The following BACC1 variants were observed in gnomAD, a reference collection of about 807,000 sequenced individuals.
BACC1 encodes BPTF associated chromatin complex component 1, also known as BPTF-associated chromatin complex component 1.
At chr17:7,016,539 C>G in the BACC1 span, 1 of 1,614,140 alleles carries the variant, frequency 6.2e-7, no homozygotes, top group Admixed American at 1.7e-5. Flanking sequence ...TATGAAGATT[C>G]TGGCATCCCC....
At chr17:7,016,441 T>C in the BACC1 span, 1 of 1,575,998 alleles carries the variant, frequency 6.3e-7, no homozygotes, top group Admixed American at 1.9e-5. Flanking sequence ...CCGTCCCCTC[T>C]TCTGTTAGTC....
chr17:7,017,322 G>T, the BACC1 span: 4 of 1,609,938 alleles, frequency 2.5e-6, no homozygotes, highest in South Asian at 4.4e-5. Flanking sequence ...CTCCTGCTGA[G>T]CCTTCCACCT....
chr17:7,015,186 C>G, the BACC1 span: 2 of 1,544,408 alleles, frequency 1.3e-6, no homozygotes, highest in Admixed American at 2.1e-5. Flanking sequence ...GACGTGGACG[C>G]TGAGAGCGGG....
chr17:7,015,870 G>C, the BACC1 span: 2 of 1,613,998 alleles, frequency 1.2e-6, no homozygotes, highest in Non-Finnish European at 1.7e-6. Flanking sequence ...TCAAGGAACG[G>C]ACAGTGTGAG....
chr17:7,016,812 A>AGAGGG, the BACC1 span: 1 of 1,525,260 alleles, frequency 6.6e-7, no homozygotes, highest in Non-Finnish European at 9.0e-7. Context: ...AGAGAGGGGC[A>AGAGGG]GAGGGGAGGG....
At chr17:7,015,583 G>A in the BACC1 span, 1 of 1,411,430 alleles carries the variant, frequency 7.1e-7, no homozygotes, top group Admixed American at 2.9e-5. Flanking sequence ...TCTTGTGATT[G>A]GGGTCCTCCC....
chr17:7,017,468 A>C, the BACC1 span: 9 of 759,746 alleles, frequency 1.2e-5, no homozygotes, highest in Non-Finnish European at 1.9e-5. Context: ...AACCCCTTTG[A>C]CCTTCATCTG....
the BACC1 span, chr17:7,016,658 G>T: frequency 6.2e-7 from 1 of 1,612,574 alleles, no homozygotes; most frequent in Non-Finnish European, 8.5e-7. Context: ...TGAGGCCGGG[G>T]GTCCCCCCAT....
chr17:7,015,107 G>T, the BACC1 span: 1 of 1,580,164 alleles, frequency 6.3e-7, no homozygotes, highest in Non-Finnish European at 8.5e-7. Flanking sequence ...CACGAAGCTC[G>T]GGGAGCTGAC....
At chr17:7,015,024 G>A in the BACC1 span, 7 of 1,443,152 alleles carry the variant, frequency 4.9e-6, no homozygotes, top group East Asian at 2.9e-5. Flanking sequence ...GACGGGGAGG[G>A]CGGGCGCCGG....
At chr17:7,015,104 C>A in the BACC1 span, 3 of 1,579,892 alleles carry the variant, frequency 1.9e-6, no homozygotes, top group Non-Finnish European at 2.6e-6. Flanking sequence ...CTTCACGAAG[C>A]TCGGGGAGCT....
chr17:7,017,076 G>T, the BACC1 span: 1 of 1,548,964 alleles, frequency 6.5e-7, no homozygotes, highest in South Asian at 1.1e-5. Flanking sequence ...CACCTGGATG[G>T]CAGGGCACGG....
the BACC1 span, chr17:7,015,341 C>T: frequency 7.3e-7 from 1 of 1,373,730 alleles, no homozygotes. Context: ...ACAGACAGGC[C>T]CATAGCCCAG....
At chr17:7,016,632 G>T in the BACC1 span, 1 of 1,614,072 alleles carries the variant, frequency 6.2e-7, no homozygotes, top group Middle Eastern at 1.7e-4. Flanking sequence ...CCTCCTCCCA[G>T]CAGCTCCAGT....
chr17:7,016,178 C>T, the BACC1 span: 1 of 517,970 alleles, frequency 1.9e-6, no homozygotes, highest in Non-Finnish European at 3.4e-6. Context: ...GCAGTGTTTC[C>T]AGGGATATGG....
the BACC1 span, chr17:7,017,422 T>G: frequency 8.8e-7 from 1 of 1,131,154 alleles, no homozygotes; most frequent in South Asian, 1.2e-5. Flanking sequence ...CTGCTGGGGC[T>G]GCCACCTCGC....
At chr17:7,017,456 C>A in the BACC1 span, 1 of 818,342 alleles carries the variant, frequency 1.2e-6, no homozygotes. Flanking sequence ...GCATCTGCCC[C>A]CAACCCCTTT....
chr17:7,016,853 G>C, the BACC1 span: 1 of 1,561,572 alleles, frequency 6.4e-7, no homozygotes, highest in South Asian at 1.1e-5. Context: ...GGGAAGCTTG[G>C]GGCTGGGGGA....
At chr17:7,017,243 A>G in the BACC1 span, 1 of 1,613,904 alleles carries the variant, frequency 6.2e-7, no homozygotes, top group Middle Eastern at 1.7e-4. Flanking sequence ...GGCCCATTTT[A>G]CTTCCTGTTC....
Sources: allele counts gnomAD v4.1 joint callset, GRCh38; gene constraint gnomAD v4.1.1; transcripts MANE v1.5; gene names NCBI Gene and HGNC (gene_info 2026-07-23, HGNC 2026-07-21).